Variants in TAFA1 observed in about 807,000 individuals in gnomAD.
TAFA1 encodes chemokine-like protein TAFA-1.
TAFA1 carries 4 observed loss-of-function variants against 18.5 expected under a neutral mutation model. That is an observed-to-expected ratio of 0.22 (90% CI 0.11 to 0.49). TAFA1 has a LOEUF of 0.49. Among genes scored for constraint, TAFA1 ranks in the 20% least tolerant of loss-of-function variants. The pLI is 0.98. For missense variants in TAFA1, 147 were observed against 169.0 expected (o/e 0.87, Z 0.72); for synonymous variants, 56 against 55.2 (o/e 1.01, Z -0.06).
rs1553682571 is a variant in TAFA1 at position 68,370,492 on chromosome 3, A to ATG, written c.119-46787_119-46786insGT. Among the ~76,000 whole-genome samples, 368 of 85,170 alleles carry ATG rather than the reference A, an allele frequency of 4.3e-3. 11 individuals are homozygous for ATG. The highest frequency in any genetic ancestry group is 7.0e-3 in the South Asian group (18 of 2,588). 55.9% of individuals were successfully genotyped at this position (85,170 alleles called of 152,430 possible). ...TGTGTGTATATATATATATATATAT[A>ATG]TATATATATATATATATATATATAC... On this transcript the variant is annotated intron_variant, in intron 2 of 4. Transcript: ENST00000478136.
At chr3:68,535,073 G>A (rs965256518) in intron 3 of TAFA1, among the ~76,000 whole-genome samples, 2 of 152,100 alleles carry the variant, frequency 1.3e-5, no homozygotes, top group Admixed American at 6.6e-5. Flanking sequence ...GAAATATTAG[G>A]TGGGGTTTAA....
chr3:68,320,823 C>T (rs1217719552), intron 2 of TAFA1, among the ~76,000 whole-genome samples: 1 of 152,168 alleles, frequency 6.6e-6, no homozygotes, highest in East Asian at 1.9e-4. Context: ...ATAGGCTGCA[C>T]CCCAGAGGGA....
At chr3:68,452,201 C>T (rs1385800144) in intron 3 of TAFA1, among the ~76,000 whole-genome samples, 1 of 152,162 alleles carries the variant, frequency 6.6e-6, no homozygotes, top group Non-Finnish European at 1.5e-5. Context: ...TAAGGAGCCA[C>T]ATTGCTTTCT....
At chr3:68,306,784 A>T (rs1382764846) in intron 2 of TAFA1, among the ~76,000 whole-genome samples, 2 of 152,138 alleles carry the variant, frequency 1.3e-5, no homozygotes, top group Non-Finnish European at 2.9e-5. Context: ...TCCCCTACAC[A>T]GGAGCAGGGG....
In TAFA1 at chr3:68,385,207, C is replaced by G. The variant is rs556272003; in HGVS notation, c.119-32073C>G. ...AGGATTACATGAGATAATGTAGCAT[C>G]TAGACTATTACGAGGAAGGTGGAAA... On this transcript the variant is annotated intron_variant, in intron 2 of 4. Transcript: ENST00000478136. Among the ~76,000 whole-genome samples, 7 of 152,214 alleles carry G rather than the reference C, an allele frequency of 4.6e-5. No individual in the cohort carries two copies. In the East Asian group the frequency reaches 1.4e-3, roughly 29 times the overall value.
chr3:68,141,713 G>A (rs988847139), intron 2 of TAFA1, among the ~76,000 whole-genome samples: 1 of 152,224 alleles, frequency 6.6e-6, no homozygotes, highest in African/African-American at 2.4e-5. Flanking sequence ...CTTGCTGACA[G>A]TGAAGCCAAC....
At chr3:68,361,909 T>G (rs2069475107) in intron 2 of TAFA1, among the ~76,000 whole-genome samples, 1 of 151,988 alleles carries the variant, frequency 6.6e-6, no homozygotes, top group Non-Finnish European at 1.5e-5. Flanking sequence ...AGTTGCAGAG[T>G]TGTGTAAATC....
At chr3:68,071,289 GC>G (rs1290894081) in intron 2 of TAFA1, among the ~76,000 whole-genome samples, 2 of 152,194 alleles carry the variant, frequency 1.3e-5, no homozygotes, top group Non-Finnish European at 2.9e-5. Flanking sequence ...GCAGGGAAAC[GC>G]CCCCTTACAG....
chr3:68,129,514 A>G lies in TAFA1; in HGVS notation c.118+122770A>G, dbSNP rs188570953. On this transcript the variant is annotated intron_variant, in intron 2 of 4. Coordinates refer to ENST00000478136, the MANE Select transcript of TAFA1 (RefSeq NM_213609.4). ...TAGGTTAAGGGAGAAAACATTTCCA[A>G]GGTGTCTTTCATAAGCATCCCTTTC... Among the ~76,000 whole-genome samples, 4 of 152,260 alleles carry G rather than the reference A, an allele frequency of 2.6e-5. No individual in the cohort carries two copies. The East Asian group carries it at 7.7e-4, about 29-fold the overall frequency.
intron 2 of TAFA1, among the ~76,000 whole-genome samples, chr3:68,108,346 C>T (rs1451295638): frequency 6.6e-6 from 1 of 151,702 alleles, no homozygotes; most frequent in Non-Finnish European, 1.5e-5. Flanking sequence ...AAAAAAAAGA[C>T]AAAAATGTTT....
rs543094452 is a variant in TAFA1 at position 68,141,472 on chromosome 3, TCTAA to T, written c.118+134731_118+134734del. 3.9e-5 allele frequency among the ~76,000 whole-genome samples: 6 copies of T among 152,300 alleles called. No homozygotes were observed. The East Asian group carries it at 1.2e-3, about 29-fold the overall frequency. On this transcript the variant is annotated intron_variant, in intron 2 of 4. Transcript: ENST00000478136. ...AGTGCAGTGGATGCTTCTGTTTTTG[TCTAA>T]CTGACTTCTGTCTCTCCTTTTATTG...
chr3:68,525,060 G>C (rs185688610), intron 3 of TAFA1, among the ~76,000 whole-genome samples: 3 of 152,266 alleles, frequency 2.0e-5, no homozygotes, highest in South Asian at 4.1e-4. Context: ...AGTCAAAAGC[G>C]TAGGGGATGT....
intron 2 of TAFA1, among the ~76,000 whole-genome samples, chr3:68,262,630 G>C (rs867971013): frequency 3.3e-5 from 5 of 151,984 alleles, no homozygotes; most frequent in South Asian, 2.1e-4. Context: ...TTTTACGGCT[G>C]TGTAGTATTC....
chr3:68,161,592 C>A (rs2065925333), intron 2 of TAFA1, among the ~76,000 whole-genome samples: 1 of 152,122 alleles, frequency 6.6e-6, no homozygotes, highest in Admixed American at 6.5e-5. Flanking sequence ...TCATTTTCAG[C>A]TTCAAAATAA....
rs933448855 is a variant in TAFA1 at position 68,423,943 on chromosome 3, C to A, written c.259+6523C>A. Among the ~76,000 whole-genome samples, 5 of 151,974 alleles carry A rather than the reference C, an allele frequency of 3.3e-5. No individual in the cohort carries two copies. In the South Asian group the frequency reaches 6.2e-4, roughly 19 times the overall value. On this transcript the variant is annotated intron_variant, in intron 3 of 4. Transcript: ENST00000478136. ...GACCATTTGGATGACTGATTACTAG[C>A]AACCTTCACCTGGTGTTCTTGCCGT...
intron 2 of TAFA1, among the ~76,000 whole-genome samples, chr3:68,091,256 GA>G (rs974633399): frequency 4.2e-4 from 64 of 152,182 alleles, no homozygotes; most frequent in African/African-American, 1.5e-3. Flanking sequence ...GCAGTTATCT[GA>G]AACAAGTAGT....
At chr3:68,501,005 A>G (rs916901384) in intron 3 of TAFA1, among the ~76,000 whole-genome samples, 3 of 152,002 alleles carry the variant, frequency 2.0e-5, no homozygotes, top group Non-Finnish European at 4.4e-5. Context: ...TACAAAAAAA[A>G]TTAGCCAGGC....
intron 3 of TAFA1, among the ~76,000 whole-genome samples, chr3:68,526,704 T>TA (rs2073115788): frequency 6.6e-6 from 1 of 152,106 alleles, no homozygotes; most frequent in South Asian, 2.1e-4. Flanking sequence ...TGTTTGTATA[T>TA]AAACTCATTC....
upstream of TAFA1, among the ~76,000 whole-genome samples, chr3:68,003,713 T>C (rs921848859): frequency 3.8e-4 from 58 of 152,158 alleles, no homozygotes; most frequent in African/African-American, 1.3e-3. Context: ...GAGGAAAAAT[T>C]TTTTAAAAAA....
Sources: allele counts gnomAD v4.1 joint callset (sites outside exome capture counted in the v4.1 genomes callset), GRCh38; gene constraint gnomAD v4.1.1; transcripts MANE v1.5; gene names NCBI Gene and HGNC (gene_info 2026-07-23, HGNC 2026-07-21).